The following IQGAP3 variants were observed in gnomAD, a reference collection of about 807,000 sequenced individuals.
IQGAP3 encodes ras GTPase-activating-like protein IQGAP3.
A neutral mutation model predicts 208.2 loss-of-function variants in IQGAP3; 165 were observed. That is an observed-to-expected ratio of 0.79 (90% CI 0.70 to 0.90). The LOEUF (loss-of-function observed/expected upper bound fraction) is 0.90. Ranked by LOEUF, IQGAP3 falls within the 40% of genes least tolerant of loss-of-function variation. The pLI, the probability that IQGAP3 is intolerant of heterozygous loss-of-function variation, is 0.00. For synonymous variants in IQGAP3, 703 were observed against 803.6 expected (o/e 0.87, Z 2.12); for missense variants, 1,811 against 2,043.1 (o/e 0.89, Z 2.19).
Position 156,539,376 on chromosome 1 carries a change from G to A in IQGAP3, c.3054C>T (p.Ile1018=), listed in dbSNP as rs757777531. The change falls in exon 25 of 38, where the codon ATC becomes ATT. Residue 1018 remains isoleucine, a splice_region_variant and synonymous_variant. Transcript: ENST00000361170. ...TCCTTTGTGTCTGGAGAGCCTACTTGATTTCCTCCTGGAGTGCTGTCTTGA... is the reference window on the plus strand; with the variant it reads ...TCCTTTGTGTCTGGAGAGCCTACTTAATTTCCTCCTGGAGTGCTGTCTTGA... ...QLFKTALQEE[I]KSKVEQPQDV... The A allele has an allele frequency of 1.2e-6, 2 of 1,613,570 alleles. No homozygotes were observed. The highest frequency in any genetic ancestry group is 8.5e-7 in the Non-Finnish European group (1 of 1,179,864).
chr1:156,533,359 C>G (rs922199792), intron 31 of IQGAP3, among the ~76,000 whole-genome samples: 3 of 152,248 alleles, frequency 2.0e-5, no homozygotes, highest in Admixed American at 1.3e-4. Context: ...ACCCTCAGCC[C>G]TGGGTGCCCT....
chr1:156,553,885 C>T (rs1192778523), intron 13 of IQGAP3, among the ~76,000 whole-genome samples: 2 of 152,204 alleles, frequency 1.3e-5, no homozygotes, highest in African/African-American at 4.8e-5. Flanking sequence ...CCAGCCACCT[C>T]ATCTTCTTTT....
intron 2 of IQGAP3, among the ~76,000 whole-genome samples, chr1:156,566,860 GCTTTTTTTTTTTT>G (rs1288380316): frequency 7.0e-6 from 1 of 142,220 alleles, no homozygotes; most frequent in Non-Finnish European, 1.5e-5. Flanking sequence ...CTAGTTACAT[GCTTTTTTTTTTTT>G]TTTTTTTTTT....
At chr1:156,528,807 T>C in intron 35 of IQGAP3, 109 bp downstream of exon 35, 2 of 1,343,666 alleles carry the variant, frequency 1.5e-6, no homozygotes, top group Admixed American at 1.8e-5. Flanking sequence ...GACTGTGCTG[T>C]GCTGGGTGAG....
chr1:156,553,580 C>CT lies in IQGAP3; in HGVS notation c.1448+654dup, dbSNP rs11316423. On this transcript the variant is annotated intron_variant, in intron 13 of 37. Coordinates refer to ENST00000361170, the MANE Select transcript of IQGAP3 (RefSeq NM_178229.5). ...TTTTCTTCTTTTCTTTTCTTTCTTTCTTTTTTTTTTTTTTTTTTGAGATGG... is the reference window on the plus strand; with the variant it reads ...TTTTCTTCTTTTCTTTTCTTTCTTTCTTTTTTTTTTTTTTTTTTTGAGATGG... Among the ~76,000 whole-genome samples the CT allele has an allele frequency of 2.9e-3, 254 of 88,006 alleles. 2 individuals carry two copies. The highest frequency in any genetic ancestry group is 8.9e-3 in the African/African-American group (242 of 27,272). The allele number at this position is 88,006 out of a possible 152,430, so 57.7% of individuals were successfully genotyped here. A position where few individuals can be genotyped will look rare whatever the true frequency, so the allele number is the denominator to read the frequency against.
chr1:156,536,111 C>A (rs1379464087), intron 27 of IQGAP3, among the ~76,000 whole-genome samples: 1 of 152,178 alleles, frequency 6.6e-6, no homozygotes, highest in African/African-American at 2.4e-5. Flanking sequence ...CTAGAACAAT[C>A]TTTTCTTACT....
intron 9 of IQGAP3, 25 bp downstream of exon 9, chr1:156,562,562 A>C: frequency 6.4e-5 from 103 of 1,604,424 alleles, no homozygotes; most frequent in Non-Finnish European, 8.1e-5. Flanking sequence ...TCACCCCCAA[A>C]CCACTCCTGC....
rs776989032 is a variant in IQGAP3 at position 156,548,493 on chromosome 1, C to T, written c.1994-6G>A. Reference sequence around the variant, plus strand: ...AACCCAGAAAGCTGTGTCTGCTAAGCAGAAACCAAGCAAGCAGAAAAGGTT... The same window carrying T: ...AACCCAGAAAGCTGTGTCTGCTAAGTAGAAACCAAGCAAGCAGAAAAGGTT... On this transcript the variant is annotated splice_region_variant and splice_polypyrimidine_tract_variant and intron_variant, in intron 17 of 37. Transcript: ENST00000361170. 1.2e-6 allele frequency: 2 copies of T among 1,612,654 alleles called. No individual in the cohort carries two copies. The highest frequency in any genetic ancestry group is 2.2e-5 in the East Asian group (1 of 44,848).
chr1:156,542,252 T>C (rs1675022933), intron 22 of IQGAP3, among the ~76,000 whole-genome samples: 1 of 152,186 alleles, frequency 6.6e-6, no homozygotes, highest in African/African-American at 2.4e-5. Flanking sequence ...TTCAGTGGCA[T>C]GATCTCAGCG....
chr1:156,535,067 A>G (rs184061321), intron 28 of IQGAP3, 96 bp downstream of exon 28: 3 of 946,284 alleles, frequency 3.2e-6, no homozygotes, highest in African/African-American at 1.6e-5. Flanking sequence ...TTTTTATGGC[A>G]TAGGATTTTT....
In IQGAP3 at chr1:156,528,616, T is replaced by A. The variant is rs780739078; in HGVS notation, c.4572-6A>T. ...TCTTCCCCTTCCCAGAACTCCTGAT[T>A]AAAAGAAGGCCCCAGAGAATTCATC... is the stretch of plus-strand genomic sequence containing the variant. On this transcript the variant is annotated splice_polypyrimidine_tract_variant and splice_region_variant and intron_variant, in intron 35 of 37. Coordinates refer to ENST00000361170, the MANE Select transcript of IQGAP3 (RefSeq NM_178229.5). The A allele has an allele frequency of 1.9e-6, 3 of 1,600,780 alleles. No homozygotes were observed. The highest frequency in any genetic ancestry group is 2.6e-6 in the Non-Finnish European group (3 of 1,168,820).
chr1:156,563,948 A>G lies in IQGAP3; in HGVS notation c.438-124T>C, dbSNP rs745428515. On this transcript the variant is annotated intron_variant, in intron 5 of 37. Transcript: ENST00000361170. The stretch of plus-strand genomic sequence containing the variant: ...TGAAGACCACTCAGCACCTGCCCTC[A>G]AGTCATCCCCAACCCACATAAAGAA... The G allele has an allele frequency of 1.7e-4, 115 of 688,924 alleles. 1 individual carries two copies. The highest frequency in any genetic ancestry group is 1.2e-4 in the Non-Finnish European group (49 of 400,600). The allele number at this position is 688,924 out of a possible 1,614,324, so 42.7% of individuals were successfully genotyped here.
intron 24 of IQGAP3, 129 bp from the exon 25 acceptor site, chr1:156,539,666 A>G: frequency 8.3e-7 from 1 of 1,207,918 alleles, no homozygotes; most frequent in Non-Finnish European, 1.2e-6. Flanking sequence ...TCCAGGTGCT[A>G]GTAACATTCC....
At position 156,561,049 on chromosome 1, in the gene IQGAP3, T is replaced by C. The variant is rs762133366; in HGVS notation, c.1042-28A>G. 4 of 1,544,850 alleles carry C rather than the reference T, an allele frequency of 2.6e-6. No individual in the cohort carries two copies. In the East Asian group the frequency reaches 9.0e-5, roughly 35 times the overall value. ...AAGAGAGGGAAGAGATACAGTAGAA[T>C]GGAGTCCTTCCGGGGCCATGACCAT... On this transcript the variant is annotated intron_variant, in intron 10 of 37. Coordinates refer to ENST00000361170, the MANE Select transcript of IQGAP3 (RefSeq NM_178229.5).
At chr1:156,538,723 C>T in intron 26 of IQGAP3, 86 bp downstream of exon 26, 1 of 1,150,754 alleles carries the variant, frequency 8.7e-7, no homozygotes, top group Non-Finnish European at 1.3e-6. Context: ...TCAAAGTACA[C>T]CCAAGCTTCC....
intron 11 of IQGAP3, among the ~76,000 whole-genome samples, chr1:156,559,549 G>C (rs546375793): frequency 6.6e-6 from 1 of 152,350 alleles, no homozygotes; most frequent in South Asian, 2.1e-4. Flanking sequence ...CCCACACAAT[G>C]CTATGGCAGA....
At chr1:156,569,259 C>T (rs541246226) in intron 2 of IQGAP3, 117 bp downstream of exon 2, 46 of 639,140 alleles carry the variant, frequency 7.2e-5, no homozygotes, top group Non-Finnish European at 9.2e-5. Context: ...TATTTCAACT[C>T]GCCCTTTCCC....
chr1:156,567,270 T>C (rs1213830673), intron 2 of IQGAP3, among the ~76,000 whole-genome samples: 1 of 152,196 alleles, frequency 6.6e-6, no homozygotes, highest in Non-Finnish European at 1.5e-5. Context: ...TCTGCCTGAA[T>C]GATCTACATG....
chr1:156,542,316 A>G (rs1327267788), intron 22 of IQGAP3, among the ~76,000 whole-genome samples: 1 of 152,098 alleles, frequency 6.6e-6, no homozygotes, highest in Non-Finnish European at 1.5e-5. Context: ...CAGCCTCCCA[A>G]GTAGCTGGGA....
Sources: gnomAD v4.1 joint callset for allele counts (sites outside exome capture counted in the v4.1 genomes callset) on GRCh38, gnomAD v4.1.1 for gene constraint, MANE v1.5 for transcripts, NCBI Gene and HGNC (gene_info 2026-07-23, HGNC 2026-07-21) for gene names.